Variants in CAMKK2 observed in about 807,000 individuals in gnomAD.
CAMKK2 encodes the protein calcium/calmodulin-dependent protein kinase kinase 2.
A neutral mutation model predicts 67.2 loss-of-function variants in CAMKK2; 30 were observed. The observed-to-expected ratio is 0.45, with a 90% CI of 0.33 to 0.61. The LOEUF is 0.61. CAMKK2 is among the 20% of genes least tolerant of loss of function. CAMKK2 has a pLI of 0.02. For synonymous variants in CAMKK2, 322 were observed against 326.2 expected, an observed-to-expected ratio of 0.99 and a Z score of 0.14; for missense variants, 643 against 802.0, an observed-to-expected ratio of 0.80 and a Z score of 2.39.
chr12:121,239,670 T>G lies in CAMKK2; in HGVS notation c.*1029A>C, dbSNP rs1038609459. ...AATGAAAACAAAACCTTAGCAGTCT[T>G]TAGAATATACAGGTTATGAACTAGC... is the stretch of plus-strand genomic sequence containing the variant. On this transcript the variant is annotated 3_prime_UTR_variant, in exon 17 of 17. Coordinates refer to ENST00000404169, the MANE Select transcript of CAMKK2 (RefSeq NM_001270485.2). 1 of 152,186 alleles carries G rather than the reference T, an allele frequency of 6.6e-6. No individual in the cohort carries two copies. Among genetic ancestry groups the G allele is most frequent in the African/African-American group, 2.4e-5 (1 of 41,440 alleles). 9.4% of individuals were successfully genotyped at this position (152,186 alleles called of 1,614,324 possible). A position where few individuals can be genotyped will look rare whatever the true frequency, so the allele number is the denominator to read the frequency against.
chr12:121,262,911 T>C (rs1893753946), intron 6 of CAMKK2, among the ~76,000 whole-genome samples: 1 of 152,198 alleles, frequency 6.6e-6, no homozygotes, highest in African/African-American at 2.4e-5. Context: ...TAAATTATAA[T>C]GTGGTAGATA....
intron 5 of CAMKK2, 44 bp from the exon 6 acceptor site, chr12:121,263,983 T>C (rs1464492481): frequency 1.3e-6 from 2 of 1,506,968 alleles, no homozygotes; most frequent in African/African-American, 1.4e-5. Context: ...CAAAGAGACT[T>C]TCCTCCGCAG....
intron 1 of CAMKK2, among the ~76,000 whole-genome samples, chr12:121,276,159 C>CAAAA (rs373596430): frequency 8.3e-6 from 1 of 120,782 alleles, no homozygotes; most frequent in Non-Finnish European, 1.7e-5. Flanking sequence ...GACTCCATCT[C>CAAAA]AAAAAAAAAA....
intron 1 of CAMKK2, among the ~76,000 whole-genome samples, chr12:121,286,866 C>T (rs1898846742): frequency 6.6e-6 from 1 of 152,090 alleles, no homozygotes; most frequent in African/African-American, 2.4e-5. Flanking sequence ...AGAACTTTGG[C>T]AGTTACTGAA....
At chr12:121,287,889 T>C (rs1197994777) in intron 1 of CAMKK2, among the ~76,000 whole-genome samples, 1 of 152,178 alleles carries the variant, frequency 6.6e-6, no homozygotes, top group African/African-American at 2.4e-5. Flanking sequence ...AGAGGATCCC[T>C]TGAGGCCAGG....
At chr12:121,275,513 C>T (rs1896635061) in intron 1 of CAMKK2, among the ~76,000 whole-genome samples, 2 of 131,358 alleles carry the variant, frequency 1.5e-5, no homozygotes, top group South Asian at 2.4e-4. Context: ...AAAAAAAGGT[C>T]GGGGGGAATC....
rs376186735 is a variant in CAMKK2, at chr12:121,253,509, A to G, written c.908-37T>C. 37 of 1,580,182 alleles carry G rather than the reference A, an allele frequency of 2.3e-5. No individual in the cohort carries two copies. The highest frequency in any genetic ancestry group is 3.0e-5 in the Non-Finnish European group (35 of 1,149,634). On this transcript the variant is annotated intron_variant, in intron 9 of 16. Transcript: ENST00000404169. The surrounding 1 kb of genome is among the most constrained non-coding windows in gnomAD (Gnocchi z 5.0). Reference sequence around the variant, plus strand: ...TAGACAGCAGGTGGGAGATAGGGGCAGGAAAACCTCGTGAGCACCTCTATG... The same window carrying G: ...TAGACAGCAGGTGGGAGATAGGGGCGGGAAAACCTCGTGAGCACCTCTATG...
chr12:121,286,286 A>C (rs1898724613), intron 1 of CAMKK2, among the ~76,000 whole-genome samples: 1 of 152,204 alleles, frequency 6.6e-6, no homozygotes, highest in African/African-American at 2.4e-5. Context: ...CTTCACCTTG[A>C]CAGGCAACTT....
chr12:121,260,419 A>G (rs539179734), intron 6 of CAMKK2, 64 bp from the exon 7 acceptor site: 1 of 1,472,178 alleles, frequency 6.8e-7, no homozygotes, highest in East Asian at 2.3e-5. Context: ...GAGAATAGAT[A>G]TGAGCAGGGA....
intron 1 of CAMKK2, among the ~76,000 whole-genome samples, chr12:121,281,273 C>T (rs1897734100): frequency 6.6e-6 from 1 of 152,258 alleles, no homozygotes. Flanking sequence ...CGCTACCTCC[C>T]GCGCAGCAAG....
At chr12:121,276,173 A>AAG (rs1555261648) in intron 1 of CAMKK2, among the ~76,000 whole-genome samples, 11 of 150,140 alleles carry the variant, frequency 7.3e-5, no homozygotes, top group East Asian at 2.0e-4. Flanking sequence ...AAAAAAAAAA[A>AAG]AGAGAGAGAA....
intron 10 of CAMKK2, 21 bp from the exon 11 acceptor site, chr12:121,252,735 T>C: frequency 6.2e-7 from 1 of 1,613,702 alleles, no homozygotes; most frequent in Non-Finnish European, 8.5e-7. Flanking sequence ...AAGAGCTTAG[T>C]GTGAGGGCAT....
intron 9 of CAMKK2, among the ~76,000 whole-genome samples, chr12:121,255,289 A>AATT (rs1891832196): frequency 1.5e-4 from 1 of 6,604 alleles, no homozygotes; most frequent in South Asian, 3.4e-3. Flanking sequence ...TATATATATA[A>AATT]TTATATATAT....
Position 121,296,113 on chromosome 12 carries a change from C to T in CAMKK2, c.-60+525G>A, listed in dbSNP as rs954882064. On this transcript the variant is annotated intron_variant, in intron 1 of 16. Transcript: ENST00000404169. This position sits in a 1 kb window ranked among gnomAD's most constrained non-coding sequence, Gnocchi z 7.1. ...GGGCAGACCGAAGACAGCCAAAGGT[C>T]CCCTAGGTCCCCACAACTGCTGGCC... 6.6e-6 allele frequency among the ~76,000 whole-genome samples: 1 copy of T among 152,182 alleles called. No individual in the cohort carries two copies. The highest frequency in any genetic ancestry group is 1.5e-5 in the Non-Finnish European group (1 of 68,016).
At position 121,285,054 on chromosome 12, in the gene CAMKK2, T is replaced by A. The variant is rs2136570157; in HGVS notation, c.-59-10469A>T. On this transcript the variant is annotated intron_variant, in intron 1 of 16. Coordinates refer to ENST00000404169, the MANE Select transcript of CAMKK2 (RefSeq NM_001270485.2). This position sits in a 1 kb window ranked among gnomAD's most constrained non-coding sequence, Gnocchi z 4.1. ...TGGCCTAGAGTTGAAGTTTCTTTAG[T>A]CTGATAACAGCAGCCCAATTTATGT... 6.6e-6 allele frequency among the ~76,000 whole-genome samples: 1 copy of A among 152,350 alleles called. No individual in the cohort carries two copies. Among genetic ancestry groups the A allele is most frequent in the South Asian group, 2.1e-4 (1 of 4,828 alleles).
intron 16 of CAMKK2, chr12:121,243,919 CCCA>C: frequency 2.1e-6 from 3 of 1,422,106 alleles, no homozygotes; most frequent in Non-Finnish European, 2.8e-6. Flanking sequence ...GGGGTCCCCA[CCCA>C]CCACAGCACC....
chr12:121,248,071 G>A (rs922096378), intron 14 of CAMKK2, among the ~76,000 whole-genome samples: 1 of 152,178 alleles, frequency 6.6e-6, no homozygotes, highest in Non-Finnish European at 1.5e-5. Context: ...TCTACATTCT[G>A]GCTCCTTCTT....
At chr12:121,275,321 T>C (rs952339420) in intron 1 of CAMKK2, among the ~76,000 whole-genome samples, 2 of 151,816 alleles carry the variant, frequency 1.3e-5, no homozygotes, top group Non-Finnish European at 2.9e-5. Context: ...TCATCTCTAC[T>C]AAAAATACAA....
intron 1 of CAMKK2, among the ~76,000 whole-genome samples, chr12:121,276,902 T>TGGG (rs3078969): frequency 1.9e-4 from 9 of 46,644 alleles, no homozygotes; most frequent in African/African-American, 4.0e-4. Flanking sequence ...AAGGGCGGGG[T>TGGG]GGGGGGGGGG....
Sources: allele counts gnomAD v4.1 joint callset (sites outside exome capture counted in the v4.1 genomes callset), GRCh38; gene constraint gnomAD v4.1.1; non-coding constraint Gnocchi (gnomAD v3.1); transcripts MANE v1.5; gene names NCBI Gene and HGNC (gene_info 2026-07-23, HGNC 2026-07-21).